Variants in RNF213 observed in about 807,000 individuals in gnomAD.
RNF213 encodes E3 ubiquitin-protein ligase RNF213.
In RNF213, 341 loss-of-function variants were observed where a neutral mutation model predicts 514.4. The ratio of observed to expected loss-of-function variants is 0.66; its 90% CI spans 0.61 to 0.73. The LOEUF (loss-of-function observed/expected upper bound fraction) is 0.73, where lower values mean the gene tolerates loss of function less well. RNF213 is among the 30% of genes least tolerant of loss of function. The pLI, the probability that RNF213 is intolerant of heterozygous loss-of-function variation, is 0.00. For missense variants in RNF213, 5,767 were observed against 6,615.6 expected (o/e 0.87, Z 4.45); for synonymous variants, 2,655 against 2,658.2 (o/e 1.00, Z 0.04).
chr17:80,280,479 G>C (rs2044220098), intron 3 of RNF213, among the ~76,000 whole-genome samples: 1 of 152,116 alleles, frequency 6.6e-6, no homozygotes, highest in Admixed American at 6.6e-5. Context: ...TTTGAGGCAG[G>C]GTCTCGCCCT....
chr17:80,379,593 G>A (rs776918272), intron 54 of RNF213, 27 bp from the exon 55 acceptor site: 22 of 1,599,280 alleles, frequency 1.4e-5, no homozygotes, highest in Non-Finnish European at 1.7e-5. Flanking sequence ...CTCCAGAAGT[G>A]GTTCTAGTGC....
chr17:80,340,609 GTTTTTTTTTTTT>G lies in RNF213; in HGVS notation c.5989+271_5989+282del, dbSNP rs747785477. ...AAACATCTCTGCAGTGTACTTTGTGGTTTTTTTTTTTTTTTTTTTTTTTTTTTTTGAGACAGA... is the reference window on the plus strand; with the variant it reads ...AAACATCTCTGCAGTGTACTTTGTGGTTTTTTTTTTTTTTTTTGAGACAGA... On this transcript the variant is annotated intron_variant, in intron 26 of 67. Coordinates refer to ENST00000582970, the MANE Select transcript of RNF213 (RefSeq NM_001256071.3). 49 of 130,156 alleles carry G rather than the reference GTTTTTTTTTTTT, an allele frequency of 3.8e-4. No individual in the cohort carries two copies. In the East Asian group the frequency reaches 6.2e-3, roughly 16 times the overall value. The allele number at this position is 130,156 out of a possible 1,614,324, so 8.1% of individuals were successfully genotyped here.
At chr17:80,265,686 T>C (rs1314279526) in intron 2 of RNF213, among the ~76,000 whole-genome samples, 1 of 152,096 alleles carries the variant, frequency 6.6e-6, no homozygotes, top group Non-Finnish European at 1.5e-5. Flanking sequence ...AGGGTTGAAA[T>C]TGTAGAAAAT....
At chr17:80,366,110 C>A (rs1355555057) in intron 42 of RNF213, among the ~76,000 whole-genome samples, 1 of 152,208 alleles carries the variant, frequency 6.6e-6, no homozygotes, top group Non-Finnish European at 1.5e-5. Flanking sequence ...CCCTTGGGAC[C>A]ATTTGAAACA....
In RNF213 at chr17:80,289,753, A is replaced by T. The variant is rs779148717; in HGVS notation, c.1028A>T (p.Glu343Val). 1 of 1,613,938 alleles carries T rather than the reference A, an allele frequency of 6.2e-7. No individual in the cohort carries two copies. Among genetic ancestry groups the T allele is most frequent in the African/African-American group, 1.3e-5 (1 of 74,902 alleles). ...QGEPEDLKKP[E>V]GKNRSAAAVK... ...GAGCCTGAAGACCTCAAGAAGCCAGAGGGGAAGAACAGAAGTGCAGCTGCT... is the reference window on the plus strand; with the variant it reads ...GAGCCTGAAGACCTCAAGAAGCCAGTGGGGAAGAACAGAAGTGCAGCTGCT... The change falls in exon 6 of 68, where the codon GAG becomes GTG. Residue 343 changes from glutamate (E) to valine (V), a missense_variant. Physicochemically the swap from Glu to Val is moderately radical, Grantham distance 121. Transcript: ENST00000582970.
At chr17:80,313,906 T>TACTAGA (rs1598991134) in intron 15 of RNF213, among the ~76,000 whole-genome samples, 3 of 21,556 alleles carry the variant, frequency 1.4e-4, no homozygotes, top group African/African-American at 3.0e-4. Flanking sequence ...ATGGTGGTGG[T>TACTAGA]GGTGGTGATG....
chr17:80,306,732 G>A (rs1365614668), intron 12 of RNF213, among the ~76,000 whole-genome samples: 2 of 151,804 alleles, frequency 1.3e-5, no homozygotes, highest in Non-Finnish European at 2.9e-5. Context: ...GGTACCTGTA[G>A]TCCCAGCTAC....
chr17:80,273,388 C>T lies in RNF213; in HGVS notation c.245C>T (p.Ser82Phe), dbSNP rs1172650408. The change falls in exon 3 of 68, where the codon TCC (serine) becomes TTC (phenylalanine). Residue 82 changes from serine (S) to phenylalanine (F), a missense_variant. By Grantham distance (155) the Ser-to-Phe change is radical. This residue lies in a region of RNF213 where 509 missense variants were observed against 496.7 expected (regional missense o/e 1.02). Transcript: ENST00000582970. ...ENPEEPCSKA[S>F]WTVQESKKKK... ...CCCGAGGAGCCCTGTTCCAAAGCCT[C>T]CTGGACCGTCCAAGAAGTGAGTGCA... 2 of 1,612,716 alleles carry T rather than the reference C, an allele frequency of 1.2e-6. No homozygotes were observed. The highest frequency in any genetic ancestry group is 2.7e-5 in the African/African-American group (2 of 74,872).
chr17:80,294,202 C>T (rs2044851408), intron 8 of RNF213, among the ~76,000 whole-genome samples: 1 of 152,204 alleles, frequency 6.6e-6, no homozygotes, highest in Non-Finnish European at 1.5e-5. Flanking sequence ...GAATTCAGCC[C>T]TTGCCCTGTG....
At chr17:80,350,252 A>AT (rs759063546) in intron 30 of RNF213, 49 bp from the exon 31 acceptor site, 5 of 1,208,054 alleles carry the variant, frequency 4.1e-6, no homozygotes, top group Non-Finnish European at 6.2e-6. Flanking sequence ...TTTCTTTTCC[A>AT]TTTTTTTAAG....
At chr17:80,355,947 T>C (rs2078798463) in intron 36 of RNF213, among the ~76,000 whole-genome samples, 1 of 152,152 alleles carries the variant, frequency 6.6e-6, no homozygotes, top group African/African-American at 2.4e-5. Context: ...TCTGAAGGGA[T>C]TTTAGGAGAT....
In RNF213 at chr17:80,346,445, C is replaced by T. The variant is rs144074554; in HGVS notation, c.8110C>T (p.Arg2704Trp). 704 of 1,613,648 alleles carry T rather than the reference C, an allele frequency of 4.4e-4. 2 individuals are homozygous for T. In the African/African-American group the frequency reaches 7.8e-3, roughly 18 times the overall value. ...HASLEKKDSY[R>W]KAIARFFPKP... ...CTCTTTAGAAAAGAAAGACTCATATCGGAAAGCCATCGCCAGGTTCTTTCC... is the reference window on the plus strand; with the variant it reads ...CTCTTTAGAAAAGAAAGACTCATATTGGAAAGCCATCGCCAGGTTCTTTCC... Residue 2704 changes from arginine to tryptophan, a missense_variant, in exon 29 of 68, where the codon CGG becomes TGG. This residue lies in a region of RNF213 where 1,377 missense variants were observed against 1,635.2 expected (regional missense o/e 0.84). Transcript: ENST00000582970. The surrounding 1 kb of genome is among the most constrained non-coding windows in gnomAD (Gnocchi z 8.1).
chr17:80,340,710 T>G, intron 26 of RNF213: 1 of 212,804 alleles, frequency 4.7e-6, no homozygotes, highest in Non-Finnish European at 9.4e-6. Flanking sequence ...AACCTCCGTT[T>G]TCTGGGTTCA....
At chr17:80,349,670 G>A (rs551234677) in intron 29 of RNF213, 100 bp from the exon 30 acceptor site, 63 of 1,314,686 alleles carry the variant, frequency 4.8e-5, no homozygotes, top group Middle Eastern at 1.9e-4. Context: ...ACTGCACCGC[G>A]CTGAACATCG....
intron 9 of RNF213, 28 bp from the exon 10 acceptor site, chr17:80,295,529 A>G (rs746843896): frequency 5.6e-6 from 9 of 1,613,650 alleles, no homozygotes; most frequent in South Asian, 3.3e-5. Context: ...TCCATGGTTC[A>G]TGCATCTTCC....
intron 47 of RNF213, 31 bp from the exon 48 acceptor site, chr17:80,372,490 A>G (rs768123699): frequency 1.3e-6 from 2 of 1,538,614 alleles, no homozygotes; most frequent in Admixed American, 3.4e-5. Context: ...AAAAAATAAT[A>G]TCCTTTTCTT....
Position 80,363,729 on chromosome 17 carries a change from T to C in RNF213, c.11689T>C (p.Cys3897Arg). 1.2e-6 allele frequency: 2 copies of C among 1,613,808 alleles called. No individual in the cohort carries two copies. Among genetic ancestry groups the C allele is most frequent in the Non-Finnish European group, 1.7e-6 (2 of 1,179,884 alleles). ...KNLSMPLELI[C>R]SDEHMQGSGS... ...TCTTTCCATGCCGCTGGAGCTCATC[T>C]GCTCCGATGAGCACATGCAAGGCAG... The change falls in exon 41 of 68, where the codon TGC becomes CGC. Residue 3897 changes from cysteine (C) to arginine (R), a missense_variant. This residue lies in a region of RNF213 where 355 missense variants were observed against 358.0 expected (regional missense o/e 0.99). Coordinates refer to ENST00000582970, the MANE Select transcript of RNF213 (RefSeq NM_001256071.3).
intron 14 of RNF213, among the ~76,000 whole-genome samples, chr17:80,312,781 C>T (rs1331957949): frequency 2.6e-5 from 4 of 152,180 alleles, no homozygotes; most frequent in Non-Finnish European, 5.9e-5. Flanking sequence ...ATGCCGTTCC[C>T]TCCCTCCCTC....
In RNF213 at chr17:80,377,041, G is replaced by C; in HGVS notation, c.13510+78G>C. ...CCAGATGCTATGAAGCATTGGGTTCGACTTGGGGTCCACGTGGTTTGTGCC... is the reference window on the plus strand; with the variant it reads ...CCAGATGCTATGAAGCATTGGGTTCCACTTGGGGTCCACGTGGTTTGTGCC... On this transcript the variant is annotated intron_variant, in intron 53 of 67. Coordinates refer to ENST00000582970, the MANE Select transcript of RNF213 (RefSeq NM_001256071.3). This position sits in a 1 kb window ranked among gnomAD's most constrained non-coding sequence, Gnocchi z 4.1. The C allele has an allele frequency of 8.6e-7, 1 of 1,164,900 alleles. No individual in the cohort carries two copies. Among genetic ancestry groups the C allele is most frequent in the Non-Finnish European group, 1.3e-6 (1 of 788,062 alleles). 72.2% of individuals were successfully genotyped at this position (1,164,900 alleles called of 1,614,324 possible).
Sources: gnomAD v4.1 joint callset for allele counts (sites outside exome capture counted in the v4.1 genomes callset) on GRCh38, gnomAD v4.1.1 for gene constraint, gnomAD v4.1.1 regional missense constraint, Gnocchi (gnomAD v3.1) non-coding constraint, MANE v1.5 for transcripts, NCBI Gene and HGNC (gene_info 2026-07-23, HGNC 2026-07-21) for gene names.